Variants in AUTS2 observed in about 807,000 individuals in gnomAD.
The protein encoded by AUTS2 is activator of transcription and developmental regulator AUTS2, also known as autism susceptibility gene 2 protein.
A neutral mutation model predicts 112.4 loss-of-function variants in AUTS2; 17 were observed. The ratio of observed to expected loss-of-function variants is 0.15; its 90% confidence interval spans 0.10 to 0.23. AUTS2 has a LOEUF of 0.23. Among genes scored for constraint, AUTS2 ranks in the 10% least tolerant of loss-of-function variants. The probability of loss-of-function intolerance (pLI) is 1.00; values close to 1 mark genes in which losing one functional copy is unlikely to be tolerated. For missense variants in AUTS2, 1,510 were observed against 1,701.6 expected (o/e 0.89, Z 1.98); for synonymous variants, 751 against 702.7 (o/e 1.07, Z -1.09).
chr7:69,938,302 C>T (rs995535351), intron 2 of AUTS2, among the ~76,000 whole-genome samples: 1 of 152,194 alleles, frequency 6.6e-6, no homozygotes, highest in Non-Finnish European at 1.5e-5. Context: ...ACTGCTCTTT[C>T]TGCTCTTCTA....
chr7:70,326,700 C>CT (rs1421239121), intron 4 of AUTS2, among the ~76,000 whole-genome samples: 1 of 152,228 alleles, frequency 6.6e-6, no homozygotes, highest in African/African-American at 2.4e-5. Flanking sequence ...CTATTTTACT[C>CT]TAAGTAGTTT....
intron 5 of AUTS2, among the ~76,000 whole-genome samples, chr7:70,607,144 C>T (rs1184922348): frequency 6.6e-6 from 1 of 152,136 alleles, no homozygotes; most frequent in Non-Finnish European, 1.5e-5. Context: ...GGAAATGCTG[C>T]TCTCAGTAAT....
At chr7:70,285,842 A>C (rs1788433651) in intron 4 of AUTS2, among the ~76,000 whole-genome samples, 1 of 152,236 alleles carries the variant, frequency 6.6e-6, no homozygotes, top group South Asian at 2.1e-4. Context: ...GTTAATGAAC[A>C]GGAGATGTGG....
At chr7:70,260,898 T>TGCCACC (rs1479824905) in intron 4 of AUTS2, among the ~76,000 whole-genome samples, 1 of 151,968 alleles carries the variant, frequency 6.6e-6, no homozygotes, top group Non-Finnish European at 1.5e-5. Flanking sequence ...TACAGGCACG[T>TGCCACC]GCCACCACAG....
chr7:70,290,640 T>G (rs1254285849), intron 4 of AUTS2: 6 of 1,390,102 alleles, frequency 4.3e-6, no homozygotes, highest in East Asian at 6.1e-5. Flanking sequence ...GTGTTTTAGT[T>G]TAACCTTCAT....
chr7:70,245,134 GTGTGTGTGTGTATATATATATA>G (rs1812837411), intron 4 of AUTS2, among the ~76,000 whole-genome samples: 4 of 63,362 alleles, frequency 6.3e-5, no homozygotes, highest in Non-Finnish European at 1.2e-4. Context: ...AAAAAAAAAA[GTGTGTGTGTGTATATATATATA>G]TATATATATA....
intron 4 of AUTS2, among the ~76,000 whole-genome samples, chr7:70,412,270 A>G (rs1205198699): frequency 1.3e-5 from 2 of 152,158 alleles, no homozygotes; most frequent in African/African-American, 4.8e-5. Context: ...TAACCTTACC[A>G]GAATACCTGG....
chr7:69,676,509 G>A (rs1166077981), intron 1 of AUTS2, among the ~76,000 whole-genome samples: 1 of 152,194 alleles, frequency 6.6e-6, no homozygotes, highest in Non-Finnish European at 1.5e-5. Flanking sequence ...TCTTGGTCTG[G>A]GGGAAGATAA....
At chr7:70,183,240 A>G (rs1809415559) in intron 4 of AUTS2, among the ~76,000 whole-genome samples, 1 of 151,866 alleles carries the variant, frequency 6.6e-6, no homozygotes, top group African/African-American at 2.4e-5. Context: ...CCTGTTTCTC[A>G]CTCCTGGAAG....
At chr7:70,743,968 G>C (rs1240664137) in intron 6 of AUTS2, among the ~76,000 whole-genome samples, 1 of 152,006 alleles carries the variant, frequency 6.6e-6, no homozygotes, top group Non-Finnish European at 1.5e-5. Context: ...GTGGATGGAG[G>C]GGTAATCTCC....
chr7:70,711,995 A>T (rs183630662), intron 6 of AUTS2, among the ~76,000 whole-genome samples: 1 of 150,546 alleles, frequency 6.6e-6, no homozygotes, highest in East Asian at 2.0e-4. Context: ...TTGCATTTTC[A>T]CTCTGTTCCC....
chr7:70,236,758 C>A lies in AUTS2; in HGVS notation c.660+102187C>A, dbSNP rs533868435. 2.0e-5 allele frequency among the ~76,000 whole-genome samples: 3 copies of A among 152,294 alleles called. No homozygotes were observed. The South Asian group carries it at 6.2e-4, about 32-fold the overall frequency. On this transcript the variant is annotated intron_variant, in intron 4 of 18. Transcript: ENST00000342771. The stretch of plus-strand genomic sequence containing the variant: ...GCACTTTTTAATGCATTCCACTCCT[C>A]GTTGTTATTTTCTCTGTCCAGTACA...
At chr7:69,826,328 A>T (rs553784732) in intron 1 of AUTS2, among the ~76,000 whole-genome samples, 1 of 152,324 alleles carries the variant, frequency 6.6e-6, no homozygotes, top group South Asian at 2.1e-4. Context: ...AAAAAATTTA[A>T]GATGCGGCAA....
intron 2 of AUTS2, among the ~76,000 whole-genome samples, chr7:69,998,655 A>G (rs1413808286): frequency 6.6e-6 from 1 of 152,254 alleles, no homozygotes; most frequent in African/African-American, 2.4e-5. Context: ...AAGTTACAGC[A>G]TCCAAACCAA....
intron 2 of AUTS2, among the ~76,000 whole-genome samples, chr7:69,987,199 C>T (rs1344060185): frequency 1.3e-5 from 2 of 152,138 alleles, no homozygotes; most frequent in African/African-American, 2.4e-5. Context: ...ACTTGACAAT[C>T]GTAGGACATT....
chr7:69,991,525 G>A (rs1798741899), intron 2 of AUTS2, among the ~76,000 whole-genome samples: 1 of 152,138 alleles, frequency 6.6e-6, no homozygotes, highest in South Asian at 2.1e-4. Flanking sequence ...TAGCCCTTGG[G>A]TGTGAACTTC....
intron 5 of AUTS2, among the ~76,000 whole-genome samples, chr7:70,692,528 A>C (rs1465233183): frequency 6.6e-6 from 1 of 152,216 alleles, no homozygotes; most frequent in Non-Finnish European, 1.5e-5. Flanking sequence ...CTTGTAAGCA[A>C]CTGGAAAATC....
At chr7:70,080,221 G>T (rs1428234147) in intron 2 of AUTS2, among the ~76,000 whole-genome samples, 1 of 152,164 alleles carries the variant, frequency 6.6e-6, no homozygotes, top group African/African-American at 2.4e-5. Context: ...TGTTGTATTT[G>T]CATCCATTAC....
intron 2 of AUTS2, among the ~76,000 whole-genome samples, chr7:70,058,124 TG>T (rs1031489156): frequency 4.8e-4 from 73 of 152,350 alleles, no homozygotes; most frequent in African/African-American, 1.7e-3. Context: ...AAGATTTTGC[TG>T]AAACTAGGCA....
Sources: gnomAD v4.1 joint callset for allele counts (sites outside exome capture counted in the v4.1 genomes callset) on GRCh38, gnomAD v4.1.1 for gene constraint, MANE v1.5 for transcripts, NCBI Gene and HGNC (gene_info 2026-07-23, HGNC 2026-07-21) for gene names.